Variants in ELMOD1 observed in about 807,000 individuals in gnomAD.
ELMOD1 encodes the protein ELMO domain-containing protein 1.
ELMOD1 carries 21 observed loss-of-function variants against 46.7 expected under a neutral mutation model. The ratio of observed to expected loss-of-function variants is 0.45; its 90% confidence interval spans 0.32 to 0.65. The LOEUF (loss-of-function observed/expected upper bound fraction) is 0.65. Ranked by LOEUF, ELMOD1 falls within the 30% of genes least tolerant of loss-of-function variation. ELMOD1 has a pLI of 0.04. For missense variants in ELMOD1, 348 were observed against 407.8 expected, an observed-to-expected ratio of 0.85 and a Z score of 1.26; for synonymous variants, 122 against 138.2, an observed-to-expected ratio of 0.88 and a Z score of 0.82.
intron 1 of ELMOD1, among the ~76,000 whole-genome samples, chr11:107,616,717 A>G (rs1042364316): frequency 6.6e-6 from 1 of 152,166 alleles, no homozygotes; most frequent in Non-Finnish European, 1.5e-5. Flanking sequence ...TACGTCAATT[A>G]TTTGACCATT....
chr11:107,620,912 G>C (rs1488044950), intron 2 of ELMOD1, among the ~76,000 whole-genome samples: 2 of 152,236 alleles, frequency 1.3e-5, no homozygotes, highest in Non-Finnish European at 2.9e-5. Context: ...GGAAAACATG[G>C]ATAACAAAAC....
chr11:107,615,978 GTTTTTCCT>G, intron 1 of ELMOD1, among the ~76,000 whole-genome samples: 1 of 128,842 alleles, frequency 7.8e-6, no homozygotes, highest in African/African-American at 2.9e-5. Flanking sequence ...TGTTTGTCAG[GTTTTTCCT>G]TTTTTTTTTT....
chr11:107,659,663 GTGGATGGATGGATGGA>G (rs773570377), intron 11 of ELMOD1, among the ~76,000 whole-genome samples: 10 of 89,972 alleles, frequency 1.1e-4, no homozygotes, highest in East Asian at 4.7e-4. Context: ...GGGTGGGTGG[GTGGATGGATGGATGGA>G]TGGATGGATG....
intron 11 of ELMOD1, among the ~76,000 whole-genome samples, chr11:107,656,841 G>T (rs1866643318): frequency 6.6e-6 from 1 of 152,030 alleles, no homozygotes; most frequent in South Asian, 2.1e-4. Context: ...CTCCAAGAAG[G>T]ATTAGAAGAT....
intron 11 of ELMOD1, among the ~76,000 whole-genome samples, chr11:107,662,594 G>C (rs1181890828): frequency 1.4e-5 from 2 of 145,192 alleles, no homozygotes; most frequent in East Asian, 2.1e-4. Flanking sequence ...TGGGCAACAA[G>C]AGCGAAACTC....
At chr11:107,661,308 T>G (rs886474348) in intron 11 of ELMOD1, among the ~76,000 whole-genome samples, 1 of 152,206 alleles carries the variant, frequency 6.6e-6, no homozygotes, top group Non-Finnish European at 1.5e-5. Flanking sequence ...GAATCCACAT[T>G]CTTCTGTAAC....
chr11:107,616,918 G>C (rs1034871559), intron 1 of ELMOD1, among the ~76,000 whole-genome samples: 3 of 152,164 alleles, frequency 2.0e-5, no homozygotes, highest in African/African-American at 4.8e-5. Context: ...TATGATCCGA[G>C]TGTTGGGTGG....
intron 10 of ELMOD1, among the ~76,000 whole-genome samples, chr11:107,654,605 T>TAA (rs1167523684): frequency 2.0e-5 from 3 of 151,156 alleles, no homozygotes; most frequent in African/African-American, 2.4e-5. Context: ...CCGTCTCTAC[T>TAA]AAAAATACAA....
chr11:107,601,042 T>C (rs1434493958), intron 1 of ELMOD1, among the ~76,000 whole-genome samples: 1 of 152,194 alleles, frequency 6.6e-6, no homozygotes, highest in Non-Finnish European at 1.5e-5. Context: ...ATTTAAAACA[T>C]TGTATTGCTA....
At chr11:107,626,338 G>T (rs1866040023) in intron 2 of ELMOD1, among the ~76,000 whole-genome samples, 1 of 141,506 alleles carries the variant, frequency 7.1e-6, no homozygotes, top group African/African-American at 2.7e-5. Flanking sequence ...TGTCTCACAG[G>T]TACATTTGAA....
intron 1 of ELMOD1, among the ~76,000 whole-genome samples, chr11:107,600,123 C>A (rs567685783): frequency 2.0e-5 from 3 of 152,174 alleles, no homozygotes; most frequent in African/African-American, 7.2e-5. Context: ...ATCATCAAAT[C>A]ATGACCAATG....
intron 9 of ELMOD1, 129 bp downstream of exon 9, chr11:107,651,037 A>C (rs1023716694): frequency 2.4e-4 from 121 of 505,932 alleles, no homozygotes; most frequent in African/African-American, 2.1e-3. Context: ...CTTTAATCTA[A>C]TATAGTTAAT....
intron 1 of ELMOD1, among the ~76,000 whole-genome samples, chr11:107,615,868 G>A (rs1360922495): frequency 6.6e-6 from 1 of 152,040 alleles, no homozygotes; most frequent in East Asian, 1.9e-4. Context: ...TATATGTTTG[G>A]GGGAGTAAAG....
chr11:107,614,593 T>A (rs2135670029), intron 1 of ELMOD1, among the ~76,000 whole-genome samples: 1 of 152,264 alleles, frequency 6.6e-6, no homozygotes. Flanking sequence ...CGCCTCGGCC[T>A]CCCAAAGTGC....
At chr11:107,656,180 G>T in intron 11 of ELMOD1, 114 bp downstream of exon 11, 2 of 1,176,460 alleles carry the variant, frequency 1.7e-6, no homozygotes, top group Non-Finnish European at 2.4e-6. Context: ...CTGAGCTCAG[G>T]AGTTCAAGAC....
intron 6 of ELMOD1, among the ~76,000 whole-genome samples, chr11:107,641,152 C>T (rs936012781): frequency 3.3e-5 from 5 of 152,064 alleles, no homozygotes; most frequent in Middle Eastern, 3.4e-3. Flanking sequence ...ATTAGCCAGG[C>T]GTGGTGGTGC....
chr11:107,619,687 T>A (rs764248177), intron 2 of ELMOD1, among the ~76,000 whole-genome samples: 7 of 152,220 alleles, frequency 4.6e-5, no homozygotes, highest in Non-Finnish European at 4.4e-5. Context: ...AGTTTTATTG[T>A]TAAACTGAAT....
intron 2 of ELMOD1, among the ~76,000 whole-genome samples, chr11:107,622,103 A>T (rs375696023): frequency 1.6e-4 from 25 of 152,340 alleles, no homozygotes; most frequent in African/African-American, 6.0e-4. Context: ...TATGCATACA[A>T]AACTAAGATA....
At chr11:107,654,919 G>T (rs1311564515) in intron 10 of ELMOD1, among the ~76,000 whole-genome samples, 1 of 151,812 alleles carries the variant, frequency 6.6e-6, no homozygotes, top group East Asian at 1.9e-4. Flanking sequence ...TTTTTTCTGT[G>T]CTGGATTTAT....
Sources: gnomAD v4.1 joint callset for allele counts (sites outside exome capture counted in the v4.1 genomes callset) on GRCh38, gnomAD v4.1.1 for gene constraint, MANE v1.5 for transcripts, NCBI Gene and HGNC (gene_info 2026-07-23, HGNC 2026-07-21) for gene names.